Variants in DMD observed in about 807,000 individuals in gnomAD.
DMD encodes dystrophin.
Under a neutral mutation model 330.1 loss-of-function variants are expected in DMD, and 63 were observed. The observed-to-expected ratio is 0.19, with a 90% CI of 0.16 to 0.24. The LOEUF (loss-of-function observed/expected upper bound fraction) is 0.24. Ranked by LOEUF, DMD falls within the 10% of genes least tolerant of loss-of-function variation. DMD has a pLI of 1.00. For missense variants in DMD, 3,344 were observed against 2,684.1 expected, an observed-to-expected ratio of 1.25 and a Z score of -5.43; for synonymous variants, 1,223 against 959.8, an observed-to-expected ratio of 1.27 and a Z score of -5.07.
intron 61 of DMD, among the ~76,000 whole-genome samples, chrX:31,329,703 T>C (rs888330072): frequency 1.8e-5 from 2 of 110,575 alleles, no homozygotes; most frequent in African/African-American, 6.6e-5. Context: ...CCGGGCGCGG[T>C]GGCTCACCCC....
At chrX:32,838,824 G>A (rs957686167) in intron 4 of DMD, among the ~76,000 whole-genome samples, 9 of 111,999 alleles carry the variant, frequency 8.0e-5, no homozygotes, top group Non-Finnish European at 1.7e-4. Context: ...TACACTGTTG[G>A]TGGGAATGTA....
rs763569086 is a variant in DMD, at chrX:31,169,616, C to T, written c.10395-15G>A. The T allele has an allele frequency of 8.4e-7, 1 of 1,190,143 alleles. No homozygotes were observed. The highest frequency in any genetic ancestry group is 2.3e-5 in the Admixed American group (1 of 43,627). Reference sequence around the variant, plus strand: ...GTTCATCATCTCTGGAAAATAAAATCAAAGGTTTTGGTTTTTTCCCCCCCT... The same window carrying T: ...GTTCATCATCTCTGGAAAATAAAATTAAAGGTTTTGGTTTTTTCCCCCCCT... On this transcript the variant is annotated splice_polypyrimidine_tract_variant and intron_variant, in intron 73 of 78. Transcript: ENST00000357033.
chrX:32,549,484 G>A (rs143450068), intron 16 of DMD, among the ~76,000 whole-genome samples: 1 of 111,204 alleles, frequency 9.0e-6, no homozygotes, highest in Non-Finnish European at 1.9e-5. Context: ...CACAAATTAT[G>A]TAGCCAGTCC....
chrX:31,312,030 T>G (rs2055561759), intron 62 of DMD, among the ~76,000 whole-genome samples: 1 of 111,813 alleles, frequency 8.9e-6, no homozygotes, highest in African/African-American at 3.3e-5. Context: ...CAATACCATT[T>G]AAGACATAGG....
intron 47 of DMD, among the ~76,000 whole-genome samples, chrX:31,924,381 C>G (rs1411989332): frequency 8.9e-6 from 1 of 111,822 alleles, no homozygotes; most frequent in Non-Finnish European, 1.9e-5. Flanking sequence ...GCAAATACGT[C>G]TGGAAAAAGA....
intron 47 of DMD, among the ~76,000 whole-genome samples, chrX:31,912,799 C>T (rs1214230742): frequency 2.7e-5 from 3 of 112,074 alleles, no homozygotes; most frequent in African/African-American, 6.5e-5. Flanking sequence ...CAATTAATCA[C>T]GCCTCTTGGA....
chrX:31,459,786 A>T (rs1388404127), intron 59 of DMD, among the ~76,000 whole-genome samples: 1 of 111,982 alleles, frequency 8.9e-6, no homozygotes, highest in Non-Finnish European at 1.9e-5. Flanking sequence ...ATTGAGGTTT[A>T]CAAACAAAAA....
chrX:32,148,333 G>A (rs1276787278), intron 44 of DMD, among the ~76,000 whole-genome samples: 1 of 111,412 alleles, frequency 9.0e-6, no homozygotes, highest in Admixed American at 9.6e-5. Context: ...TATTATGTTA[G>A]TAATAAGAAA....
At chrX:32,190,550 T>TTAGATATATA (rs1198323604) in intron 44 of DMD, among the ~76,000 whole-genome samples, 12 of 62,520 alleles carry the variant, frequency 1.9e-4, no homozygotes, top group East Asian at 1.5e-3. Flanking sequence ...ATTTAAAATT[T>TTAGATATATA]TATATATATA....
At chrX:32,201,469 A>AACCC (rs2097037261) in intron 44 of DMD, among the ~76,000 whole-genome samples, 12 of 48,439 alleles carry the variant, frequency 2.5e-4, no homozygotes, top group Middle Eastern at 0.015. Flanking sequence ...AAATTCAAAC[A>AACCC]CCCCCCCCCC....
chrX:31,593,813 TAATG>T (rs60607403), intron 55 of DMD, among the ~76,000 whole-genome samples: 1,799 of 110,890 alleles, frequency 0.016, 47 homozygotes, highest in African/African-American at 0.056. Flanking sequence ...TTTGTCTATA[TAATG>T]AATATTATTG....
intron 44 of DMD, among the ~76,000 whole-genome samples, chrX:31,999,799 G>A (rs1198581544): frequency 5.4e-5 from 6 of 111,725 alleles, no homozygotes; most frequent in Non-Finnish European, 5.7e-5. Context: ...TTCTGAAGTC[G>A]TTTAGGGATC....
chrX:32,915,012 G>A (rs890429324), intron 2 of DMD, among the ~76,000 whole-genome samples: 1 of 110,951 alleles, frequency 9.0e-6, no homozygotes. Flanking sequence ...AAATCCAGGT[G>A]GAAATGCTCT....
chrX:32,724,392 G>A (rs762292028), intron 7 of DMD, among the ~76,000 whole-genome samples: 1 of 111,504 alleles, frequency 9.0e-6, no homozygotes, highest in Non-Finnish European at 1.9e-5. Flanking sequence ...CAAATCTAGA[G>A]TAGTCTACTA....
At chrX:33,047,720 G>A (rs1180081162) in intron 1 of DMD, among the ~76,000 whole-genome samples, 1 of 111,934 alleles carries the variant, frequency 8.9e-6, no homozygotes, top group Non-Finnish European at 1.9e-5. Context: ...GCACTTAAAT[G>A]TTTAATCTTT....
At chrX:32,812,994 T>C (rs763301410) in intron 6 of DMD, among the ~76,000 whole-genome samples, 42 of 110,971 alleles carry the variant, frequency 3.8e-4, no homozygotes, top group Non-Finnish European at 6.6e-4. Flanking sequence ...CAAGGTTAAA[T>C]TGAGTATGAT....
chrX:32,408,940 C>T (rs1354635560), intron 30 of DMD, among the ~76,000 whole-genome samples: 3 of 109,358 alleles, frequency 2.7e-5, no homozygotes, highest in Non-Finnish European at 5.7e-5. Flanking sequence ...ATCCATCCAT[C>T]TATCCACCCC....
intron 29 of DMD, among the ~76,000 whole-genome samples, chrX:32,422,081 G>T (rs957220870): frequency 9.0e-6 from 1 of 111,190 alleles, no homozygotes; most frequent in Non-Finnish European, 1.9e-5. Flanking sequence ...AGTTGTTGAG[G>T]AATTGGAAAG....
At chrX:31,436,059 T>C (rs1378538727) in intron 60 of DMD, among the ~76,000 whole-genome samples, 2 of 111,970 alleles carry the variant, frequency 1.8e-5, no homozygotes, top group Non-Finnish European at 3.8e-5. Context: ...AGTAAGGAAC[T>C]AGAGGTCTCA....
Sources: allele counts gnomAD v4.1 joint callset (sites outside exome capture counted in the v4.1 genomes callset), GRCh38; gene constraint gnomAD v4.1.1; transcripts MANE v1.5; gene names NCBI Gene and HGNC (gene_info 2026-07-23, HGNC 2026-07-21).